The following SUMF2 variants were observed in gnomAD, a reference collection of about 807,000 sequenced individuals.
SUMF2 encodes the protein inactive C-alpha-formylglycine-generating enzyme 2.
In SUMF2, 45 loss-of-function variants were observed where a neutral mutation model predicts 44.8. The ratio of observed to expected loss-of-function variants is 1.00; its 90% CI spans 0.79 to 1.29. The LOEUF is 1.29. Ranked by LOEUF, SUMF2 falls within the 50% of genes most tolerant of loss-of-function variation. SUMF2 has a pLI of 0.00. For missense variants in SUMF2, 418 were observed against 389.9 expected, an observed-to-expected ratio of 1.07 and a Z score of -0.61; for synonymous variants, 148 against 150.4, an observed-to-expected ratio of 0.98 and a Z score of 0.12.
At chr7:56,081,177 G>T, downstream of SUMF2, 3 of 1,613,926 alleles carry the variant, frequency 1.9e-6, no homozygotes, top group South Asian at 3.3e-5. The surrounding 1 kb of genome is among the most constrained non-coding windows in gnomAD (Gnocchi z 4.6). Flanking sequence ...CGTAGGCGTC[G>T]ATGAGCCGGC....
At chr7:56,087,135 CAG>C in the SUMF2 span, 1 of 787,270 alleles carries the variant, frequency 1.3e-6, no homozygotes, top group African/African-American at 1.7e-5. Context: ...CAAAAGCTGA[CAG>C]GGGAATCAGG....
chr7:56,076,815 C>A lies in SUMF2; in HGVS notation c.536-19C>A. On this transcript the variant is annotated intron_variant, in intron 5 of 8. Coordinates refer to ENST00000434526, the MANE Select transcript of SUMF2 (RefSeq NM_015411.4). ...TCTTCACCTCCCCCTCCTCTGCTGC[C>A]TCCTTGCTCTCCTCGCAGGTCAAGT... is the stretch of plus-strand genomic sequence containing the variant. 1 of 1,582,000 alleles carries A rather than the reference C, an allele frequency of 6.3e-7. No homozygotes were observed. The highest frequency in any genetic ancestry group is 8.6e-7 in the Non-Finnish European group (1 of 1,162,452).
chr7:56,077,237 T>C (rs1442554561), intron 6 of SUMF2, among the ~76,000 whole-genome samples: 1 of 150,668 alleles, frequency 6.6e-6, no homozygotes, highest in East Asian at 2.0e-4. Context: ...TTAGTAGAGA[T>C]GGGGTTTTGC....
intron 8 of SUMF2, chr7:56,078,779 G>T: frequency 2.3e-6 from 1 of 440,710 alleles, no homozygotes; most frequent in Non-Finnish European, 4.0e-6. Flanking sequence ...TAATTATGGG[G>T]TTTCTCCTCT....
intron 2 of SUMF2, among the ~76,000 whole-genome samples, chr7:56,070,359 C>T (rs1451964198): frequency 6.6e-6 from 1 of 151,972 alleles, no homozygotes; most frequent in Non-Finnish European, 1.5e-5. Flanking sequence ...GATGCAGTGG[C>T]TCACGTCTGT....
chr7:56,074,782 T>G, intron 5 of SUMF2, 46 bp downstream of exon 5: 1 of 1,609,994 alleles, frequency 6.2e-7, no homozygotes, highest in Non-Finnish European at 8.5e-7. Context: ...CTCCCCATCC[T>G]GCCCAGCATG....
downstream of SUMF2, chr7:56,082,046 C>G (rs757769249): frequency 1.6e-5 from 25 of 1,612,182 alleles, no homozygotes; most frequent in Non-Finnish European, 2.1e-5. Flanking sequence ...CAGTGCTCCA[C>G]CTGGACATGC....
At chr7:56,087,864 C>T in the SUMF2 span, 1 of 1,047,756 alleles carries the variant, frequency 9.5e-7, no homozygotes. Flanking sequence ...ATGTCCTGCC[C>T]TTGACAGAGA....
intron 1 of SUMF2, among the ~76,000 whole-genome samples, chr7:56,064,878 A>G (rs1244928873): frequency 1.6e-4 from 10 of 64,288 alleles, no homozygotes; most frequent in East Asian, 5.6e-4. Flanking sequence ...TCGATACTTT[A>G]TCTCAAAAAA....
At chr7:56,064,464 G>A in intron 1 of SUMF2, 86 bp downstream of exon 1, 1 of 1,481,020 alleles carries the variant, frequency 6.8e-7, no homozygotes, top group South Asian at 1.3e-5. Flanking sequence ...AGGCCCTTCT[G>A]CCGGCTTCCG....
intron 4 of SUMF2, 62 bp downstream of exon 4, chr7:56,074,280 G>A (rs914016138): frequency 1.1e-5 from 16 of 1,508,436 alleles, no homozygotes; most frequent in Non-Finnish European, 1.4e-5. Context: ...TCCAGGCCCA[G>A]CCTCCTCTCT....
At chr7:56,086,922 A>C in the SUMF2 span, 1 of 1,444,426 alleles carries the variant, frequency 6.9e-7, no homozygotes, top group Non-Finnish European at 9.8e-7. Flanking sequence ...AGGGGACAGC[A>C]GTCGGAGGTT....
At chr7:56,079,384 C>T in intron 8 of SUMF2, 144 bp from the exon 9 acceptor site, 1 of 817,720 alleles carries the variant, frequency 1.2e-6, no homozygotes. Flanking sequence ...TGTCCTCACA[C>T]CAGGCTTCTT....
intron 2 of SUMF2, among the ~76,000 whole-genome samples, chr7:56,071,688 G>A (rs1164926445): frequency 6.6e-6 from 1 of 151,894 alleles, no homozygotes; most frequent in Non-Finnish European, 1.5e-5. Context: ...AGGAGGCTGA[G>A]GCAAGATTAT....
rs752296837 is a variant in SUMF2, at chr7:56,079,536, A to T, written c.830A>T (p.Asn277Ile). 1.2e-6 allele frequency: 2 copies of T among 1,612,140 alleles called. No individual in the cohort carries two copies. Among genetic ancestry groups the T allele is most frequent in the African/African-American group, 2.7e-5 (2 of 74,880 alleles). ...CCCTTCTCTGCTGGCAGGATGGGCA[A>T]CACTCCAGATTCAGCCTCAGACAAC... is the stretch of plus-strand genomic sequence containing the variant. ...HRARVTTRMG[N>I]TPDSASDNLG... The change falls in exon 9 of 9, where the codon AAC becomes ATC. Residue 277 changes from asparagine (N) to isoleucine (I), a missense_variant. Coordinates refer to ENST00000434526, the MANE Select transcript of SUMF2 (RefSeq NM_015411.4).
chr7:56,073,300 A>G (rs1795301961), intron 3 of SUMF2, 189 bp downstream of exon 3: 1 of 656,010 alleles, frequency 1.5e-6, no homozygotes, highest in African/African-American at 1.8e-5. Context: ...CCTGAACCCA[A>G]GTTAGCTCTT....
downstream of SUMF2, chr7:56,083,523 A>T: frequency 6.5e-7 from 1 of 1,549,472 alleles, no homozygotes; most frequent in Non-Finnish European, 8.9e-7. Context: ...CATTTCAGCC[A>T]CACTGCAAGG....
intron 2 of SUMF2, among the ~76,000 whole-genome samples, chr7:56,069,658 G>T (rs1414838845): frequency 2.6e-5 from 4 of 151,970 alleles, no homozygotes. Flanking sequence ...CTGAAGTTCA[G>T]TGGTATGATC....
chr7:56,072,943 A>T, intron 2 of SUMF2, 54 bp from the exon 3 acceptor site: 1 of 1,340,832 alleles, frequency 7.5e-7, no homozygotes, highest in East Asian at 2.3e-5. Context: ...GCAGGAGAAG[A>T]TGGGGTGGGC....
Sources: allele counts gnomAD v4.1 joint callset (sites outside exome capture counted in the v4.1 genomes callset), GRCh38; gene constraint gnomAD v4.1.1; non-coding constraint Gnocchi (gnomAD v3.1); transcripts MANE v1.5; gene names NCBI Gene and HGNC (gene_info 2026-07-23, HGNC 2026-07-21).